CNBD2: variants seen among roughly 807,000 people sequenced by gnomAD.
CNBD2 encodes the protein cyclic nucleotide-binding domain-containing protein 2.
A neutral mutation model predicts 63.7 loss-of-function variants in CNBD2; 64 were observed. That is an observed-to-expected ratio of 1.00 (90% CI 0.82 to 1.24). The LOEUF is 1.24. Ranked by LOEUF, CNBD2 falls within the 50% of genes most tolerant of loss-of-function variation. The pLI is 0.00. For missense variants in CNBD2, 691 were observed against 713.5 expected, an observed-to-expected ratio of 0.97 and a Z score of 0.36; for synonymous variants, 229 against 255.4, an observed-to-expected ratio of 0.90 and a Z score of 0.99.
intron 10 of CNBD2, among the ~76,000 whole-genome samples, chr20:36,016,436 T>C: frequency 6.6e-6 from 1 of 152,132 alleles, no homozygotes; most frequent in Admixed American, 6.5e-5. Context: ...ATGTGGGGTA[T>C]ATGGGGACTC....
chr20:35,990,955 T>TAA (rs1188870205), intron 7 of CNBD2, among the ~76,000 whole-genome samples: 2 of 150,982 alleles, frequency 1.3e-5, no homozygotes, highest in Non-Finnish European at 1.5e-5. Context: ...AAAATTAATT[T>TAA]AAAAAAAAAG....
At chr20:35,989,860 AGAGAGG>A (rs936753380) in intron 7 of CNBD2, among the ~76,000 whole-genome samples, 1 of 110,558 alleles carries the variant, frequency 9.0e-6, no homozygotes, top group African/African-American at 3.6e-5. Flanking sequence ...AAGACAGATG[AGAGAGG>A]GAGAGAGAGA....
At chr20:35,955,110 C>A (rs1158911546) in exon 1 of CNBD2, 1 of 170,566 alleles carries the variant, frequency 5.9e-6, no homozygotes, top group Non-Finnish European at 1.4e-5. Flanking sequence ...GTTCTGTTAA[C>A]GTCAGCATTT....
chr20:35,987,500 T>C lies in CNBD2; in HGVS notation c.822T>C (p.Phe274=). 4 of 1,614,202 alleles carry C rather than the reference T, an allele frequency of 2.5e-6. No homozygotes were observed. Among genetic ancestry groups the C allele is most frequent in the Non-Finnish European group, 3.4e-6 (4 of 1,180,022 alleles). ...FSYGQLISKD[F]GESPFIMFIS... is the part of the protein sequence containing the mutation. ...ATGGGCAGCTGATCTCAAAAGATTT[T>C]GGAGAGTCACCCTTCATCATGTTTA... Residue 274 remains phenylalanine, a synonymous_variant, in exon 7 of 12, where the codon TTT becomes TTC. Coordinates refer to ENST00000373973, the MANE Select transcript of CNBD2 (RefSeq NM_001365709.1).
chr20:35,976,456 T>G lies in CNBD2; in HGVS notation c.243+454T>G, dbSNP rs771983495. ...GTCAGATACCCTTAAAGAGTCTTAT[T>G]CAGGTGCAGCGCAGCTGTTGACACT... is the stretch of plus-strand genomic sequence containing the variant. On this transcript the variant is annotated intron_variant, in intron 3 of 11. Transcript: ENST00000373973. Among the ~76,000 whole-genome samples the G allele has an allele frequency of 3.9e-5, 6 of 152,128 alleles. 1 individual carries two copies. Among genetic ancestry groups the G allele is most frequent in the Non-Finnish European group, 5.9e-5 (4 of 68,022 alleles).
chr20:35,975,959 A>G lies in CNBD2; in HGVS notation c.200A>G (p.Gln67Arg). 6.2e-7 allele frequency: 1 copy of G among 1,613,230 alleles called. No homozygotes were observed. The highest frequency in any genetic ancestry group is 8.5e-7 in the Non-Finnish European group (1 of 1,179,266). Residue 67 changes from glutamine to arginine, a missense_variant, in exon 3 of 12, where the codon CAA becomes CGA. By Grantham distance (43) the Gln-to-Arg change is conservative (BLOSUM62 1). Coordinates refer to ENST00000373973, the MANE Select transcript of CNBD2 (RefSeq NM_001365709.1). ...PIFSFWDKKM[Q>R]SRVTFDTMDF... ...CCCTCTTTCTTTCAGAAAAAGATGC[A>G]AAGCCGAGTCACATTTGATACCATG...
At chr20:35,973,336 G>T (rs1333506578) in intron 2 of CNBD2, 1 of 153,458 alleles carries the variant, frequency 6.5e-6, no homozygotes. Flanking sequence ...CTCTCTATTC[G>T]CGTCTCTACT....
upstream of CNBD2, chr20:35,954,619 T>G (rs1428037684): frequency 7.4e-7 from 1 of 1,346,750 alleles, no homozygotes; most frequent in East Asian, 3.8e-5. Context: ...GAGGGCGAGC[T>G]GCGCGTGGCC....
chr20:35,979,637 C>G (rs111716875), intron 3 of CNBD2, among the ~76,000 whole-genome samples: 3 of 152,308 alleles, frequency 2.0e-5, no homozygotes, highest in Non-Finnish European at 4.4e-5. Context: ...TAGCAAGAGC[C>G]TACTGGGGAA....
intron 3 of CNBD2, among the ~76,000 whole-genome samples, chr20:35,979,693 G>T (rs2056570273): frequency 1.3e-5 from 2 of 152,314 alleles, no homozygotes; most frequent in South Asian, 4.1e-4. Context: ...ACTCACTGAG[G>T]GTGTGGCAGC....
chr20:35,964,329 C>T (rs1459106418), upstream of CNBD2, among the ~76,000 whole-genome samples: 9 of 151,442 alleles, frequency 5.9e-5, no homozygotes, highest in African/African-American at 2.2e-4. Flanking sequence ...TACAGGCCCG[C>T]GCCACCATGC....
intron 3 of CNBD2, 78 bp downstream of exon 3, chr20:35,976,080 A>G: frequency 7.5e-7 from 1 of 1,333,398 alleles, no homozygotes. Flanking sequence ...GCTGGGTATC[A>G]GCAGAGCTGG....
chr20:36,014,148 A>C (rs1161400984), intron 10 of CNBD2, among the ~76,000 whole-genome samples: 3 of 137,482 alleles, frequency 2.2e-5, no homozygotes, highest in African/African-American at 8.5e-5. Context: ...GTGCCACTGC[A>C]CTCCAGCCTA....
At chr20:35,987,971 G>A (rs2056691723) in intron 7 of CNBD2, among the ~76,000 whole-genome samples, 1 of 151,998 alleles carries the variant, frequency 6.6e-6, no homozygotes, top group Non-Finnish European at 1.5e-5. Flanking sequence ...CTGGGTTTCA[G>A]CAATTCTTCT....
At chr20:35,963,181 A>G (rs1161609704) in intron 2 of CNBD2, among the ~76,000 whole-genome samples, 1 of 150,954 alleles carries the variant, frequency 6.6e-6, no homozygotes, top group African/African-American at 2.4e-5. Flanking sequence ...AGATCTCTAC[A>G]AATTAAAAAA....
intron 9 of CNBD2, among the ~76,000 whole-genome samples, chr20:36,008,900 T>C (rs2057020077): frequency 6.7e-6 from 1 of 149,472 alleles, no homozygotes; most frequent in African/African-American, 2.6e-5. Context: ...TGGCCACTTA[T>C]TTTAGCTCTT....
chr20:35,973,353 C>T (rs1233781889), intron 2 of CNBD2: 1 of 152,954 alleles, frequency 6.5e-6, no homozygotes, highest in African/African-American at 2.4e-5. Flanking sequence ...TACTTTCTTT[C>T]CTACACCCCT....
chr20:35,984,272 C>G (rs1413058084), intron 5 of CNBD2, 134 bp downstream of exon 5: 2 of 884,964 alleles, frequency 2.3e-6, no homozygotes, highest in Non-Finnish European at 3.4e-6. Flanking sequence ...GGGCCCCTTA[C>G]CTGTCAAATG....
intron 2 of CNBD2, chr20:35,974,792 T>G (rs1423361118): frequency 6.6e-6 from 1 of 152,158 alleles, no homozygotes; most frequent in African/African-American, 2.4e-5. Context: ...AAGCCTTGAG[T>G]TGGGGTCTCA....
Sources: allele counts gnomAD v4.1 joint callset (sites outside exome capture counted in the v4.1 genomes callset), GRCh38; gene constraint gnomAD v4.1.1; transcripts MANE v1.5; gene names NCBI Gene and HGNC (gene_info 2026-07-23, HGNC 2026-07-21).